Variants in RCOR1 observed in about 807,000 individuals in gnomAD.
RCOR1 encodes the protein REST corepressor 1.
Under a neutral mutation model 64.0 loss-of-function variants are expected in RCOR1, and 12 were observed. The ratio of observed to expected loss-of-function variants is 0.19; its 90% CI spans 0.12 to 0.30. The LOEUF (loss-of-function observed/expected upper bound fraction) is 0.30, where lower values mean the gene tolerates loss of function less well. Ranked by LOEUF, RCOR1 falls within the 10% of genes least tolerant of loss-of-function variation. RCOR1 has a pLI of 1.00. For synonymous variants in RCOR1, 279 were observed against 227.2 expected, an observed-to-expected ratio of 1.23 and a Z score of -2.05; for missense variants, 502 against 621.2, an observed-to-expected ratio of 0.81 and a Z score of 2.04.
intron 2 of RCOR1, among the ~76,000 whole-genome samples, chr14:102,628,322 A>C (rs1360009189): frequency 6.6e-6 from 1 of 152,204 alleles, no homozygotes; most frequent in African/African-American, 2.4e-5. Context: ...TGGGCACTCT[A>C]TGCTGTAGTC....
chr14:102,642,200 G>T (rs1176410400), intron 2 of RCOR1, among the ~76,000 whole-genome samples: 1 of 150,144 alleles, frequency 6.7e-6, no homozygotes, highest in South Asian at 2.1e-4. Context: ...CTAATTGAAA[G>T]AATACATAGG....
chr14:102,667,901 A>G (rs546357753), intron 2 of RCOR1, among the ~76,000 whole-genome samples: 4 of 152,316 alleles, frequency 2.6e-5, no homozygotes, highest in African/African-American at 4.8e-5. Context: ...TGAGAGGGCA[A>G]TAAGCTGTGT....
At chr14:102,604,822 C>T (rs1893471283) in intron 2 of RCOR1, among the ~76,000 whole-genome samples, 1 of 152,058 alleles carries the variant, frequency 6.6e-6, no homozygotes, top group Non-Finnish European at 1.5e-5. Flanking sequence ...GTTGCTCACT[C>T]CTGTAATCCC....
intron 2 of RCOR1, among the ~76,000 whole-genome samples, chr14:102,609,451 G>GT (rs996888742): frequency 1.3e-5 from 2 of 151,666 alleles, no homozygotes; most frequent in African/African-American, 4.8e-5. Context: ...TTTATTTTCT[G>GT]TTTTTTGAGA....
intron 2 of RCOR1, chr14:102,649,776 A>G (rs1894547491): frequency 5.1e-5 from 50 of 985,026 alleles, no homozygotes; most frequent in Non-Finnish European, 5.9e-5. Context: ...ATTAGCTAGA[A>G]TGGGCTTTGT....
chr14:102,653,421 C>T (rs937802413), intron 2 of RCOR1, among the ~76,000 whole-genome samples: 13 of 152,108 alleles, frequency 8.5e-5, no homozygotes, highest in Admixed American at 7.9e-4. Context: ...GGTTTTGCCA[C>T]GTTGTCCAGG....
chr14:102,662,520 T>A, intron 2 of RCOR1: 1 of 510,856 alleles, frequency 2.0e-6, no homozygotes, highest in Non-Finnish European at 3.9e-6. Flanking sequence ...CTGGGGGCGC[T>A]CTTCTGAGGA....
At chr14:102,652,438 G>T in intron 2 of RCOR1, among the ~76,000 whole-genome samples, 1 of 152,172 alleles carries the variant, frequency 6.6e-6, no homozygotes, top group Non-Finnish European at 1.5e-5. Flanking sequence ...CTCTCCTCTA[G>T]TCTTCTGGCA....
intron 8 of RCOR1, among the ~76,000 whole-genome samples, chr14:102,718,718 A>G (rs1032374530): frequency 2.6e-5 from 4 of 152,146 alleles, no homozygotes; most frequent in South Asian, 4.1e-4. Context: ...CTTTCCAGTT[A>G]GCATGATGGT....
chr14:102,612,528 G>T (rs1370456915), intron 2 of RCOR1, among the ~76,000 whole-genome samples: 2 of 151,480 alleles, frequency 1.3e-5, no homozygotes, highest in East Asian at 2.0e-4. Flanking sequence ...AGGGATGGGG[G>T]TTTCCCCATG....
chr14:102,691,234 A>G (rs1301714013), intron 3 of RCOR1, among the ~76,000 whole-genome samples: 1 of 152,150 alleles, frequency 6.6e-6, no homozygotes, highest in Non-Finnish European at 1.5e-5. Context: ...ACATATTCTC[A>G]CTTACAAGTG....
chr14:102,685,076 G>T (rs1403628341), intron 3 of RCOR1, among the ~76,000 whole-genome samples: 1 of 151,396 alleles, frequency 6.6e-6, no homozygotes, highest in Non-Finnish European at 1.5e-5. Context: ...GTGTGTGTGT[G>T]TGTTTTTTTT....
At chr14:102,706,677 A>G (rs971890334) in intron 4 of RCOR1, among the ~76,000 whole-genome samples, 2 of 152,074 alleles carry the variant, frequency 1.3e-5, no homozygotes, top group African/African-American at 4.8e-5. Context: ...AGTACAAGAA[A>G]TTAGCCGGGT....
At chr14:102,658,469 G>C in intron 2 of RCOR1, 1 of 956,476 alleles carries the variant, frequency 1.0e-6, no homozygotes, top group Non-Finnish European at 1.2e-6. Context: ...GGCTGGGTGA[G>C]AGTGAGACTC....
intron 2 of RCOR1, among the ~76,000 whole-genome samples, chr14:102,634,696 G>GTA (rs773628636): frequency 1.5e-4 from 22 of 149,464 alleles, no homozygotes; most frequent in South Asian, 4.2e-4. Flanking sequence ...ATATATGTGT[G>GTA]TATATATATA....
chr14:102,630,765 G>C (rs145660604), intron 2 of RCOR1, among the ~76,000 whole-genome samples: 5 of 152,240 alleles, frequency 3.3e-5, no homozygotes, highest in South Asian at 4.2e-4. Flanking sequence ...AAGAATTCCA[G>C]AAGTCCCCTT....
intron 2 of RCOR1, among the ~76,000 whole-genome samples, chr14:102,634,335 A>G (rs143164535): frequency 0.01 from 1,541 of 152,102 alleles, 16 homozygotes; most frequent in Admixed American, 0.015. Context: ...TGATTATGCC[A>G]CTGCACTCCA....
chr14:102,720,786 CCCT>C (rs1896155960), intron 8 of RCOR1: 2 of 373,538 alleles, frequency 5.4e-6, no homozygotes, highest in Non-Finnish European at 9.6e-6. Context: ...GCCCTCCGTC[CCCT>C]CCTCCTTGGG....
intron 3 of RCOR1, among the ~76,000 whole-genome samples, chr14:102,689,474 A>G (rs868846942): frequency 1.3e-5 from 2 of 152,188 alleles, no homozygotes; most frequent in African/African-American, 2.4e-5. Context: ...AGAAGGAGCA[A>G]ATTTCTCAGA....
Sources: allele counts gnomAD v4.1 joint callset (sites outside exome capture counted in the v4.1 genomes callset), GRCh38; gene constraint gnomAD v4.1.1; transcripts MANE v1.5; gene names NCBI Gene and HGNC (gene_info 2026-07-23, HGNC 2026-07-21).